The following FHIT variants were observed in gnomAD, a reference collection of about 807,000 sequenced individuals.
FHIT encodes bis(5'-adenosyl)-triphosphatase.
Under a neutral mutation model 17.9 loss-of-function variants are expected in FHIT, and 19 were observed. The ratio of observed to expected loss-of-function variants is 1.06; its 90% CI spans 0.74 to 1.56. The LOEUF is 1.56. Ranked by LOEUF, FHIT falls within the 40% of genes most tolerant of loss-of-function variation. The pLI is 0.00. For missense variants in FHIT, 248 were observed against 189.2 expected (o/e 1.31, Z -1.82); for synonymous variants, 81 against 69.7 (o/e 1.16, Z -0.81).
intron 2 of FHIT, among the ~76,000 whole-genome samples, chr3:61,115,255 T>C (rs1048904989): frequency 2.6e-5 from 4 of 152,132 alleles, no homozygotes. Context: ...AAAAGCAAGA[T>C]AACCATCCTT....
At chr3:60,751,661 A>T (rs986233822) in intron 4 of FHIT, among the ~76,000 whole-genome samples, 6 of 152,204 alleles carry the variant, frequency 3.9e-5, no homozygotes, top group Non-Finnish European at 5.9e-5. Context: ...AGATGCTCAT[A>T]CACAGATGGG....
At chr3:60,152,333 C>T (rs1258243914) in intron 5 of FHIT, among the ~76,000 whole-genome samples, 1 of 152,180 alleles carries the variant, frequency 6.6e-6, no homozygotes, top group Non-Finnish European at 1.5e-5. Context: ...ATGTCTTCAA[C>T]AACTTGACTA....
intron 8 of FHIT, among the ~76,000 whole-genome samples, chr3:59,761,102 C>T (rs938337248): frequency 6.6e-6 from 1 of 152,154 alleles, no homozygotes; most frequent in Non-Finnish European, 1.5e-5. Context: ...TCTTCTCAAC[C>T]TTGTAAGGGA....
intron 5 of FHIT, among the ~76,000 whole-genome samples, chr3:60,390,016 ATC>A (rs1267714976): frequency 4.6e-5 from 7 of 152,086 alleles, no homozygotes; most frequent in Admixed American, 4.6e-4. Context: ...CCTTCCATAT[ATC>A]TCTCTGCTGC....
rs147488995 is a variant in FHIT at position 59,812,018 on chromosome 3, C to T, written c.349-59697G>A. ...TGGATACACTCCAGTAAGATCTATA[C>T]ACAGTGGTTCTCAACTGGGGGAGAT... On this transcript the variant is annotated intron_variant, in intron 8 of 9. Transcript: ENST00000492590. 7.2e-5 allele frequency among the ~76,000 whole-genome samples: 11 copies of T among 152,268 alleles called. No homozygotes were observed. The East Asian group carries it at 1.7e-3, about 24-fold the overall frequency.
rs571411926 is a variant in FHIT at position 60,185,312 on chromosome 3, A to T, written c.104-171160T>A. 1.9e-4 allele frequency among the ~76,000 whole-genome samples: 29 copies of T among 152,278 alleles called. No individual in the cohort carries two copies. The South Asian group carries it at 5.8e-3, about 30-fold the overall frequency. ...CCTCACCCCAGAACCTTCAGTAACA[A>T]TGATTTGTTTACCATCTCCATGGTT... On this transcript the variant is annotated intron_variant, in intron 5 of 9. Transcript: ENST00000492590.
intron 8 of FHIT, among the ~76,000 whole-genome samples, chr3:59,771,443 C>T (rs1342842761): frequency 6.6e-6 from 1 of 152,136 alleles, no homozygotes; most frequent in Non-Finnish European, 1.5e-5. Context: ...AGCTTGACAC[C>T]AGATAAAGAA....
intron 2 of FHIT, among the ~76,000 whole-genome samples, chr3:61,108,496 C>T (rs2036057169): frequency 6.6e-6 from 1 of 152,146 alleles, no homozygotes; most frequent in Admixed American, 6.6e-5. Context: ...ATGTTAATTA[C>T]AGTATGTTTG....
intron 5 of FHIT, among the ~76,000 whole-genome samples, chr3:60,172,540 T>C (rs1258761784): frequency 6.6e-6 from 1 of 151,756 alleles, no homozygotes; most frequent in African/African-American, 2.4e-5. Flanking sequence ...CCTCCCAAAG[T>C]GCTGGGATTA....
At chr3:60,499,547 G>A (rs77312360) in intron 5 of FHIT, among the ~76,000 whole-genome samples, 6,990 of 152,140 alleles carry the variant, frequency 0.046, 427 homozygotes, top group East Asian at 0.29. Context: ...GCCCGCCACC[G>A]CACCCGGCTA....
chr3:60,496,913 C>G (rs1175108587), intron 5 of FHIT, among the ~76,000 whole-genome samples: 1 of 151,920 alleles, frequency 6.6e-6, no homozygotes, highest in African/African-American at 2.4e-5. Context: ...ATACATCAAA[C>G]AACATGATTT....
intron 5 of FHIT, among the ~76,000 whole-genome samples, chr3:60,124,506 A>G (rs1705451259): frequency 6.6e-6 from 1 of 152,136 alleles, no homozygotes; most frequent in African/African-American, 2.4e-5. Context: ...AGTCAGCTCC[A>G]TTATCCTGCA....
At chr3:60,189,148 G>A (rs1404209054) in intron 5 of FHIT, among the ~76,000 whole-genome samples, 1 of 151,818 alleles carries the variant, frequency 6.6e-6, no homozygotes, top group Non-Finnish European at 1.5e-5. Context: ...AAAAAGTAGA[G>A]CTGGTGATCA....
intron 5 of FHIT, among the ~76,000 whole-genome samples, chr3:60,143,599 G>A (rs893314374): frequency 3.9e-5 from 6 of 151,972 alleles, no homozygotes; most frequent in Non-Finnish European, 8.8e-5. Context: ...CAGAGTTTTG[G>A]GATAATTTGT....
At chr3:61,016,782 C>T (rs1465047107) in intron 3 of FHIT, among the ~76,000 whole-genome samples, 1 of 152,204 alleles carries the variant, frequency 6.6e-6, no homozygotes, top group Non-Finnish European at 1.5e-5. Flanking sequence ...TATGTGTGTG[C>T]ACAAACTAAA....
chr3:60,999,352 C>T lies in FHIT; in HGVS notation c.-111+42695G>A, dbSNP rs148902917. Among the ~76,000 whole-genome samples, 634 of 151,898 alleles carry T rather than the reference C, an allele frequency of 4.2e-3. 6 individuals are homozygous for T. The highest frequency in any genetic ancestry group is 6.8e-3 in the Middle Eastern group (2 of 294). On this transcript the variant is annotated intron_variant, in intron 3 of 9. Transcript: ENST00000492590. ...GGCTCTTCATAAAAACAAACAGTTGCAAGAAATCTAACAGGATTCCAAGCT... is the reference window on the plus strand; with the variant it reads ...GGCTCTTCATAAAAACAAACAGTTGTAAGAAATCTAACAGGATTCCAAGCT...
intron 7 of FHIT, among the ~76,000 whole-genome samples, chr3:59,958,588 C>G (rs1481116867): frequency 6.6e-6 from 1 of 152,186 alleles, no homozygotes; most frequent in Non-Finnish European, 1.5e-5. Context: ...AGTGTCAACT[C>G]CATTCAATTA....
intron 5 of FHIT, among the ~76,000 whole-genome samples, chr3:60,290,702 T>G (rs1299901598): frequency 6.6e-6 from 1 of 152,176 alleles, no homozygotes; most frequent in Non-Finnish European, 1.5e-5. Context: ...CATTACACTG[T>G]GTCTCCAAAT....
intron 3 of FHIT, among the ~76,000 whole-genome samples, chr3:60,829,766 G>C (rs141881760): frequency 1.3e-4 from 19 of 148,630 alleles, no homozygotes; most frequent in African/African-American, 4.7e-4. Flanking sequence ...ACTGAAACTC[G>C]GTAGATCAGA....
Sources: gnomAD v4.1 joint callset for allele counts (sites outside exome capture counted in the v4.1 genomes callset) on GRCh38, gnomAD v4.1.1 for gene constraint, MANE v1.5 for transcripts, NCBI Gene and HGNC (gene_info 2026-07-23, HGNC 2026-07-21) for gene names.